Variants in MKI67 observed in about 807,000 individuals in gnomAD.
MKI67 encodes proliferation marker protein Ki-67.
Under a neutral mutation model 233.5 loss-of-function variants are expected in MKI67, and 152 were observed. The observed-to-expected ratio is 0.65, with a 90% CI of 0.57 to 0.74. MKI67 has a LOEUF of 0.74. Ranked by LOEUF, MKI67 falls within the 30% of genes least tolerant of loss-of-function variation. The probability of loss-of-function intolerance (pLI) is 0.00; values close to 1 mark genes in which losing one functional copy is unlikely to be tolerated. For missense variants in MKI67, 3,940 were observed against 3,885.2 expected (o/e 1.01, Z -0.37); for synonymous variants, 1,465 against 1,418.5 (o/e 1.03, Z -0.74).
rs138254987 is a variant in MKI67 at position 128,104,086 on chromosome 10, G to A, written c.7754C>T (p.Pro2585Leu). 1 of 1,613,940 alleles carries A rather than the reference G, an allele frequency of 6.2e-7. No individual in the cohort carries two copies. The highest frequency in any genetic ancestry group is 1.1e-5 in the South Asian group (1 of 91,072). Residue 2585 changes from proline (P) to leucine (L), a missense_variant, in exon 13 of 15, where the codon CCC becomes CTC. Pro to Leu is a moderately conservative substitution (Grantham distance 98, BLOSUM62 -3). Coordinates refer to ENST00000368654, the MANE Select transcript of MKI67 (RefSeq NM_002417.5). ...TAGTTCTGGTGGGGGAGATTTGCAGGGAATTTTTGTGTTTTTGTCAATAGT... is the reference window on the plus strand; with the variant it reads ...TAGTTCTGGTGGGGGAGATTTGCAGAGAATTTTTGTGTTTTTGTCAATAGT... ...SMTIDKNTKIPCKSPPPELTD... is the reference protein window; with the variant it reads ...SMTIDKNTKILCKSPPPELTD...
rs138166768 is a variant in MKI67 at position 128,098,241 on chromosome 10, G to C, written c.*949C>G. On this transcript the variant is annotated 3_prime_UTR_variant, in exon 15 of 15. Transcript: ENST00000368654. ...CGGAGGCAGCGGCTCACAAGGAAGCGATCCTGAAATCGTGGCTGAAGGTGC... is the reference window on the plus strand; with the variant it reads ...CGGAGGCAGCGGCTCACAAGGAAGCCATCCTGAAATCGTGGCTGAAGGTGC... The C allele has an allele frequency of 6.6e-6, 1 of 152,446 alleles. No homozygotes were observed. The highest frequency in any genetic ancestry group is 2.1e-4 in the South Asian group (1 of 4,826). 9.4% of individuals were successfully genotyped at this position (152,446 alleles called of 1,614,324 possible).
chr10:128,116,589 C>G (rs1590315068), intron 5 of MKI67, 53 bp from the exon 6 acceptor site: 1 of 1,441,918 alleles, frequency 6.9e-7, no homozygotes, highest in African/African-American at 1.4e-5. Flanking sequence ...TAAATGATGA[C>G]AGTCACAACA....
At chr10:128,111,882 G>C (rs573128353) in intron 10 of MKI67, 45 bp downstream of exon 10, 1 of 1,604,154 alleles carries the variant, frequency 6.2e-7, no homozygotes. Flanking sequence ...TGCAAGCTTC[G>C]ATGACACCGG....
chr10:128,104,227 C>A lies in MKI67; in HGVS notation c.7613G>T (p.Ser2538Ile). The change falls in exon 13 of 15, where the codon AGT becomes ATT. Residue 2538 changes from serine (S) to isoleucine (I), a missense_variant. Transcript: ENST00000368654. ...SPKQILDPAA[S>I]VTGSRRQLRT... ...CAGCTGCCTCCTGCTACCAGTTACACTTGCTGCTGGGTCCAGGATCTGCTT... is the reference window on the plus strand; with the variant it reads ...CAGCTGCCTCCTGCTACCAGTTACAATTGCTGCTGGGTCCAGGATCTGCTT... The A allele has an allele frequency of 1.9e-6, 3 of 1,613,952 alleles. No individual in the cohort carries two copies. Among genetic ancestry groups the A allele is most frequent in the Non-Finnish European group, 2.5e-6 (3 of 1,179,986 alleles).
rs1198459039 is a variant in MKI67 at position 128,099,275 on chromosome 10, A to G, written c.9706-20T>C. On this transcript the variant is annotated intron_variant, in intron 14 of 14. Coordinates refer to ENST00000368654, the MANE Select transcript of MKI67 (RefSeq NM_002417.5). ...CTCAGCCTGTGTGGGAAGAAAAAAA[A>G]TAGAACTCTTAAGTAATTTAAACAC... 1 of 1,602,528 alleles carries G rather than the reference A, an allele frequency of 6.2e-7. No individual in the cohort carries two copies. The highest frequency in any genetic ancestry group is 1.1e-5 in the South Asian group (1 of 89,302).
chr10:128,126,356 C>A lies in MKI67; in HGVS notation c.-347G>T, dbSNP rs1306567354. The A allele has an allele frequency of 1.4e-5, 2 of 146,984 alleles. No individual in the cohort carries two copies. The highest frequency in any genetic ancestry group is 2.1e-4 in the South Asian group (1 of 4,820). The allele number at this position is 146,984 out of a possible 1,614,324, so 9.1% of individuals were successfully genotyped here. ...TACGTCCCCGGGCGCCCGGCTCTAGCGGCTCCCACCGAGTCGAGTCCTCCC... is the reference window on the plus strand; with the variant it reads ...TACGTCCCCGGGCGCCCGGCTCTAGAGGCTCCCACCGAGTCGAGTCCTCCC... On this transcript the variant is annotated 5_prime_UTR_variant, in exon 1 of 15. Transcript: ENST00000368654.
chr10:128,125,541 C>A lies in MKI67; in HGVS notation c.92+35G>T. The stretch of plus-strand genomic sequence containing the variant: ...GTGACTAAGGTATTTTCCTCTTTCT[C>A]AGCTAAAACGTCCGCGCGCGCCCGC... On this transcript the variant is annotated intron_variant, in intron 2 of 14. Transcript: ENST00000368654. This position sits in a 1 kb window ranked among gnomAD's most constrained non-coding sequence, Gnocchi z 5.3. 1 of 1,557,410 alleles carries A rather than the reference C, an allele frequency of 6.4e-7. No homozygotes were observed.
Position 128,105,597 on chromosome 10 carries a change from C to T in MKI67, c.6243G>A (p.Glu2081=), listed in dbSNP as rs776285409. ...QSLEDLAGFK[E]LFQTPDHTEE... ...CAGTGTGGTCTGGTGTCTGGAAGAGCTCTTTGAAGCCGGCCAGGTCTTCTA... is the reference window on the plus strand; with the variant it reads ...CAGTGTGGTCTGGTGTCTGGAAGAGTTCTTTGAAGCCGGCCAGGTCTTCTA... The change falls in exon 13 of 15, where the codon GAG becomes GAA. Residue 2081 remains glutamate (E), a synonymous_variant. Coordinates refer to ENST00000368654, the MANE Select transcript of MKI67 (RefSeq NM_002417.5). 27 of 1,613,940 alleles carry T rather than the reference C, an allele frequency of 1.7e-5. No homozygotes were observed. The East Asian group carries it at 2.5e-4, about 15-fold the overall frequency.
chr10:128,099,532 A>G (rs555436705), intron 14 of MKI67, among the ~76,000 whole-genome samples: 21 of 152,330 alleles, frequency 1.4e-4, no homozygotes, highest in African/African-American at 4.8e-4. Flanking sequence ...TTCATAATAA[A>G]ATTTCTTCAT....
At chr10:128,117,428 G>A (rs1456274591) in intron 5 of MKI67, among the ~76,000 whole-genome samples, 1 of 152,214 alleles carries the variant, frequency 6.6e-6, no homozygotes, top group East Asian at 1.9e-4. Context: ...GGGAGCAGGC[G>A]CAGCGCCCCC....
chr10:128,105,425 G>T lies in MKI67; in HGVS notation c.6415C>A (p.Gln2139Lys). Residue 2139 changes from glutamine (Q) to lysine (K), a missense_variant, in exon 13 of 15, where the codon CAG (glutamine) becomes AAG (lysine). Physicochemically the swap from Gln to Lys is moderately conservative, Grantham distance 53. Transcript: ENST00000368654. ...DIVEELSALK[Q>K]LTQTTHTDKV... Reference sequence around the variant, plus strand: ...TCTGTGTGTGTGGTCTGTGTGAGCTGCTTCAGGGCTGAGAGCTCTTCCACT... The same window carrying T: ...TCTGTGTGTGTGGTCTGTGTGAGCTTCTTCAGGGCTGAGAGCTCTTCCACT... 1 of 1,613,846 alleles carries T rather than the reference G, an allele frequency of 6.2e-7. No homozygotes were observed. Among genetic ancestry groups the T allele is most frequent in the South Asian group, 1.1e-5 (1 of 91,046 alleles).
Position 128,107,080 on chromosome 10 carries a change from T to A in MKI67, c.4760A>T (p.Asp1587Val). Residue 1587 changes from aspartate to valine, a missense_variant, in exon 13 of 15, where the codon GAC becomes GTC. Coordinates refer to ENST00000368654, the MANE Select transcript of MKI67 (RefSeq NM_002417.5). Reference sequence around the variant, plus strand: ...GAAGAGCTCTTTAAAGCCAGCCAGGTCTTCTAGAGCCTGGGCCTTTTCCTT... The same window carrying A: ...GAAGAGCTCTTTAAAGCCAGCCAGGACTTCTAGAGCCTGGGCCTTTTCCTT... Reference protein sequence around the residue: ...TPKEKAQALEDLAGFKELFQT... With the variant: ...TPKEKAQALEVLAGFKELFQT... 6.2e-7 allele frequency: 1 copy of A among 1,614,076 alleles called. No individual in the cohort carries two copies. Among genetic ancestry groups the A allele is most frequent in the East Asian group, 2.2e-5 (1 of 44,870 alleles).
In MKI67 at chr10:128,108,835, A is replaced by G. The variant is rs539146802; in HGVS notation, c.3005T>C (p.Ile1002Thr). 1.2e-6 allele frequency: 2 copies of G among 1,613,762 alleles called. No homozygotes were observed. The highest frequency in any genetic ancestry group is 2.2e-5 in the South Asian group (2 of 91,068). ...TAATGACTGGCAGGGCATTTTAGTG[A>G]TTTTGCCTTTCTCACTCTTTGGTGC... Reference protein sequence around the residue: ...AKAPKSEKGKITKMPCQSLQP... With the variant: ...AKAPKSEKGKTTKMPCQSLQP... The change falls in exon 13 of 15, where the codon ATC becomes ACC. Residue 1002 changes from isoleucine to threonine, a missense_variant. Coordinates refer to ENST00000368654, the MANE Select transcript of MKI67 (RefSeq NM_002417.5).
In MKI67 at chr10:128,115,233, G is replaced by A. The variant is rs372946908; in HGVS notation, c.1175C>T (p.Pro392Leu). The A allele has an allele frequency of 1.2e-6, 2 of 1,614,170 alleles. No individual in the cohort carries two copies. Among genetic ancestry groups the A allele is most frequent in the Non-Finnish European group, 1.7e-6 (2 of 1,180,026 alleles). The change falls in exon 7 of 15, where the codon CCC becomes CTC. Residue 392 changes from proline to leucine, a missense_variant. Coordinates refer to ENST00000368654, the MANE Select transcript of MKI67 (RefSeq NM_002417.5). ...GFKAGDKTLT[P>L]RKLSTRNRTP... ...TCGATTTCTAGTTGAAAGCTTCCTGGGAGTAAGAGTTTTATCACCAGCCTT... is the reference window on the plus strand; with the variant it reads ...TCGATTTCTAGTTGAAAGCTTCCTGAGAGTAAGAGTTTTATCACCAGCCTT...
At chr10:128,101,820 T>C in intron 13 of MKI67, 119 bp from the exon 14 acceptor site, 1 of 773,582 alleles carries the variant, frequency 1.3e-6, no homozygotes, top group South Asian at 1.9e-5. Context: ...AATCACACAC[T>C]GATGAATTGT....
rs1426480083 is a variant in MKI67 at position 128,105,554 on chromosome 10, C to T, written c.6286G>A (p.Asp2096Asn). ...PDHTEESTTD[D>N]KTTKIACKSP... ...TTGCAGGCTATTTTGGTAGTTTTGT[C>T]ATCAGTTGTTGATTCCTCAGTGTGG... is the stretch of plus-strand genomic sequence containing the variant. Residue 2096 changes from aspartate (D) to asparagine (N), a missense_variant, in exon 13 of 15, where the codon GAC becomes AAC. Coordinates refer to ENST00000368654, the MANE Select transcript of MKI67 (RefSeq NM_002417.5). The T allele has an allele frequency of 3.1e-6, 5 of 1,613,950 alleles. No homozygotes were observed. Among genetic ancestry groups the T allele is most frequent in the Middle Eastern group, 1.7e-4 (1 of 6,060 alleles).
chr10:128,125,030 G>T lies in MKI67; in HGVS notation c.92+546C>A, dbSNP rs1028283182. Reference sequence around the variant, plus strand: ...GGCCTCTAGTGGGACACATGTCAGAGGCTGATGGGGCACTGTCAGCAACTA... The same window carrying T: ...GGCCTCTAGTGGGACACATGTCAGATGCTGATGGGGCACTGTCAGCAACTA... On this transcript the variant is annotated intron_variant, in intron 2 of 14. Coordinates refer to ENST00000368654, the MANE Select transcript of MKI67 (RefSeq NM_002417.5). This position sits in a 1 kb window ranked among gnomAD's most constrained non-coding sequence, Gnocchi z 5.3. Among the ~76,000 whole-genome samples the T allele has an allele frequency of 6.6e-6, 1 of 152,182 alleles. No individual in the cohort carries two copies. The highest frequency in any genetic ancestry group is 1.5e-5 in the Non-Finnish European group (1 of 68,030).
In MKI67 at chr10:128,106,423, A is replaced by G. The variant is rs769409892; in HGVS notation, c.5417T>C (p.Leu1806Pro). The change falls in exon 13 of 15, where the codon CTG becomes CCG. Residue 1806 changes from leucine to proline, a missense_variant. Physicochemically the swap from Leu to Pro is moderately conservative, Grantham distance 98. Transcript: ENST00000368654. ...NTFLGTPVQK[L>P]DQPGNLPGSN... ...GCCAGGTAAATTTCCTGGCTGGTCCAGTTTCTGCACTGGAGTTCCCAAAAA... is the reference window on the plus strand; with the variant it reads ...GCCAGGTAAATTTCCTGGCTGGTCCGGTTTCTGCACTGGAGTTCCCAAAAA... The G allele has an allele frequency of 2.2e-5, 35 of 1,612,404 alleles. No individual in the cohort carries two copies. Among genetic ancestry groups the G allele is most frequent in the Non-Finnish European group, 2.9e-5 (34 of 1,179,720 alleles).
In MKI67 at chr10:128,125,214, G is replaced by T. The variant is rs1352071813; in HGVS notation, c.92+362C>A. Among the ~76,000 whole-genome samples the T allele has an allele frequency of 6.6e-6, 1 of 152,102 alleles. No individual in the cohort carries two copies. Among genetic ancestry groups the T allele is most frequent in the Non-Finnish European group, 1.5e-5 (1 of 68,026 alleles). ...GTATGGCTTCCTTCCTTCATTCTCT[G>T]TGTCCCCAGTGGCCAGGGATGCCCA... On this transcript the variant is annotated intron_variant, in intron 2 of 14. Transcript: ENST00000368654. The surrounding 1 kb of genome is among the most constrained non-coding windows in gnomAD (Gnocchi z 5.3).
Sources: gnomAD v4.1 joint callset for allele counts (sites outside exome capture counted in the v4.1 genomes callset) on GRCh38, gnomAD v4.1.1 for gene constraint, Gnocchi (gnomAD v3.1) non-coding constraint, MANE v1.5 for transcripts, NCBI Gene and HGNC (gene_info 2026-07-23, HGNC 2026-07-21) for gene names.